DYNC1H1: variants seen among roughly 807,000 people sequenced by gnomAD.
The protein encoded by DYNC1H1 is dynein cytoplasmic 1 heavy chain 1, also known as cytoplasmic dynein 1 heavy chain 1.
Under a neutral mutation model 527.1 loss-of-function variants are expected in DYNC1H1, and 51 were observed. The ratio of observed to expected loss-of-function variants is 0.10; its 90% CI spans 0.08 to 0.12. DYNC1H1 has a LOEUF of 0.12. Among genes scored for constraint, DYNC1H1 ranks in the 10% least tolerant of loss-of-function variants. The pLI, the probability that DYNC1H1 is intolerant of heterozygous loss-of-function variation, is 1.00. For missense variants in DYNC1H1, 2,771 were observed against 5,971.8 expected (o/e 0.46, Z 17.66); for synonymous variants, 2,189 against 2,278.8 (o/e 0.96, Z 1.12).
rs1233493844 is a variant in DYNC1H1 at position 102,055,034 on chromosome 14, A to C, written c.*4471A>C. On this transcript the variant is annotated 3_prime_UTR_variant, in exon 78 of 78. Coordinates refer to ENST00000360184, the MANE Select transcript of DYNC1H1 (RefSeq NM_001376.5). ...TACTGAAGTCGCCTTGTTACACACA[A>C]ACATCTACAGTGCCTCCTGGCCACT... is the stretch of plus-strand genomic sequence containing the variant. 3 of 152,198 alleles carry C rather than the reference A, an allele frequency of 2.0e-5. No homozygotes were observed. Among genetic ancestry groups the C allele is most frequent in the Non-Finnish European group, 4.4e-5 (3 of 68,084 alleles). The allele number at this position is 152,198 out of a possible 1,614,324, so 9.4% of individuals were successfully genotyped here.
chr14:102,053,749 T>TG lies in DYNC1H1; in HGVS notation c.*3186_*3187insG, dbSNP rs1468806065. ...GAGCCACCACACTCGGCCTCTTTGT[T>TG]TGTTTTTTTTTTTTTTTGAGACAGT... On this transcript the variant is annotated 3_prime_UTR_variant, in exon 78 of 78. Coordinates refer to ENST00000360184, the MANE Select transcript of DYNC1H1 (RefSeq NM_001376.5). The TG allele has an allele frequency of 7.2e-6, 1 of 139,578 alleles. No individual in the cohort carries two copies. Among genetic ancestry groups the TG allele is most frequent in the African/African-American group, 3.0e-5 (1 of 33,728 alleles). The allele number at this position is 139,578 out of a possible 1,614,324, so 8.6% of individuals were successfully genotyped here.
At position 102,001,792 on chromosome 14, in the gene DYNC1H1, G is replaced by A; in HGVS notation, c.4542+111G>A. ...ACCTGTTTTTTATTGTATTTTTTGA[G>A]ACAGGGTCTCACTCTGTCTCCCACG... On this transcript the variant is annotated intron_variant, in intron 21 of 77. Transcript: ENST00000360184. The surrounding 1 kb of genome is among the most constrained non-coding windows in gnomAD (Gnocchi z 5.0). 2 of 1,477,518 alleles carry A rather than the reference G, an allele frequency of 1.4e-6. No individual in the cohort carries two copies. The highest frequency in any genetic ancestry group is 1.9e-6 in the Non-Finnish European group (2 of 1,075,700). The allele number at this position is 1,477,518 out of a possible 1,614,324, so 91.5% of individuals were successfully genotyped here.
At chr14:101,992,058 T>G (rs2048004806) in intron 11 of DYNC1H1, among the ~76,000 whole-genome samples, 3 of 152,014 alleles carry the variant, frequency 2.0e-5, no homozygotes, top group Non-Finnish European at 4.4e-5. Flanking sequence ...ATATTTTCTT[T>G]CCTACCTCTC....
In DYNC1H1 at chr14:102,012,240, C is replaced by T. The variant is rs1252686933; in HGVS notation, c.6858-74C>T. The T allele has an allele frequency of 4.0e-5, 64 of 1,612,878 alleles. No individual in the cohort carries two copies. The highest frequency in any genetic ancestry group is 4.9e-5 in the Non-Finnish European group (58 of 1,179,114). On this transcript the variant is annotated intron_variant, in intron 33 of 77. Transcript: ENST00000360184. The surrounding 1 kb of genome is among the most constrained non-coding windows in gnomAD (Gnocchi z 4.9). Reference sequence around the variant, plus strand: ...AGCAAATTAAAGGTCATTTCAGAAACCATCATCGGTAAACATGCCTAATGT... The same window carrying T: ...AGCAAATTAAAGGTCATTTCAGAAATCATCATCGGTAAACATGCCTAATGT...
chr14:102,001,765 G>A lies in DYNC1H1; in HGVS notation c.4542+84G>A, dbSNP rs2048133296. 4 of 1,582,696 alleles carry A rather than the reference G, an allele frequency of 2.5e-6. No individual in the cohort carries two copies. The highest frequency in any genetic ancestry group is 3.5e-6 in the Non-Finnish European group (4 of 1,156,328). ...ATGCCTTTTCACTGACAGTTACTAGGTACCTGTTTTTTATTGTATTTTTTG... is the reference window on the plus strand; with the variant it reads ...ATGCCTTTTCACTGACAGTTACTAGATACCTGTTTTTTATTGTATTTTTTG... On this transcript the variant is annotated intron_variant, in intron 21 of 77. Coordinates refer to ENST00000360184, the MANE Select transcript of DYNC1H1 (RefSeq NM_001376.5). This position sits in a 1 kb window ranked among gnomAD's most constrained non-coding sequence, Gnocchi z 5.0.
At chr14:102,047,694 TG>T in intron 72 of DYNC1H1, 122 bp from the exon 73 acceptor site, 2 of 937,828 alleles carry the variant, frequency 2.1e-6, no homozygotes. Flanking sequence ...TTCCAGATTT[TG>T]CTGCAGTTCC....
chr14:101,980,107 T>A lies in DYNC1H1; in HGVS notation c.774+133T>A, dbSNP rs992880870. The A allele has an allele frequency of 6.5e-6, 9 of 1,394,206 alleles. No homozygotes were observed. In the African/African-American group the frequency reaches 1.1e-4, roughly 18 times the overall value. The allele number at this position is 1,394,206 out of a possible 1,614,324, so 86.4% of individuals were successfully genotyped here. On this transcript the variant is annotated intron_variant, in intron 4 of 77. Transcript: ENST00000360184. Reference sequence around the variant, plus strand: ...TGGTGCCGCCTCTTGGTCCTGGGACTGTCCAGTGCAGGACTAGCCTTGGTC... The same window carrying A: ...TGGTGCCGCCTCTTGGTCCTGGGACAGTCCAGTGCAGGACTAGCCTTGGTC...
chr14:101,998,390 C>T (rs182097078), intron 16 of DYNC1H1, among the ~76,000 whole-genome samples: 421 of 152,290 alleles, frequency 2.8e-3, no homozygotes, highest in Non-Finnish European at 4.9e-3. Flanking sequence ...ATACAAACGC[C>T]TGGACCCCTC....
rs1421260475 is a variant in DYNC1H1, at chr14:102,007,183, C to G, written c.5817+75C>G. 2.0e-6 allele frequency: 3 copies of G among 1,492,940 alleles called. No homozygotes were observed. In the East Asian group the frequency reaches 6.8e-5, roughly 34 times the overall value. 92.5% of individuals were successfully genotyped at this position (1,492,940 alleles called of 1,614,324 possible). ...ATTTGGGGAATATCAAGCTCCGTAC[C>G]TCTCTCAAAGCCATTGGTCTTACAG... On this transcript the variant is annotated intron_variant, in intron 28 of 77. Coordinates refer to ENST00000360184, the MANE Select transcript of DYNC1H1 (RefSeq NM_001376.5).
intron 9 of DYNC1H1, among the ~76,000 whole-genome samples, chr14:101,988,288 A>G (rs895977328): frequency 1.1e-4 from 17 of 152,078 alleles, no homozygotes; most frequent in African/African-American, 3.9e-4. Flanking sequence ...ACTCCCCAAC[A>G]CCCAATTTAG....
In DYNC1H1 at chr14:102,029,662, C is replaced by G; in HGVS notation, c.9592C>G (p.Gln3198Glu). ...GAAGCGGAGCGAGCTGGAGGAGCAG[C>G]AGATGCACTTGAACGTGGGGCTCAG... ...HEKRSELEEQ[Q>E]MHLNVGLRKI... Residue 3198 changes from glutamine (Q) to glutamate (E), a missense_variant, in exon 49 of 78, where the codon CAG becomes GAG. Transcript: ENST00000360184. This position sits in a 1 kb window ranked among gnomAD's most constrained non-coding sequence, Gnocchi z 5.3. 1 of 1,614,242 alleles carries G rather than the reference C, an allele frequency of 6.2e-7. No homozygotes were observed. The highest frequency in any genetic ancestry group is 2.2e-5 in the East Asian group (1 of 44,892).
chr14:102,008,884 C>T (rs1019347833), intron 29 of DYNC1H1, among the ~76,000 whole-genome samples: 2 of 152,206 alleles, frequency 1.3e-5, no homozygotes, highest in Admixed American at 1.3e-4. Context: ...CAACCAAAAA[C>T]CTGAGCAGTC....
chr14:102,050,731 C>A lies in DYNC1H1; in HGVS notation c.*168C>A. 2 of 1,124,738 alleles carry A rather than the reference C, an allele frequency of 1.8e-6. No homozygotes were observed. Among genetic ancestry groups the A allele is most frequent in the Non-Finnish European group, 2.6e-6 (2 of 778,096 alleles). The allele number at this position is 1,124,738 out of a possible 1,614,324, so 69.7% of individuals were successfully genotyped here. On this transcript the variant is annotated 3_prime_UTR_variant, in exon 78 of 78. Coordinates refer to ENST00000360184, the MANE Select transcript of DYNC1H1 (RefSeq NM_001376.5). ...GGAGTGGTGGAAATTGGAAGGATAC[C>A]AGGAGGTATTTGGGAAGGCCAATGG...
In DYNC1H1 at chr14:102,017,837, T is replaced by C. The variant is rs938032128; in HGVS notation, c.8177+333T>C. 5.4e-6 allele frequency: 2 copies of C among 370,340 alleles called. No individual in the cohort carries two copies. The highest frequency in any genetic ancestry group is 4.3e-5 in the African/African-American group (2 of 47,034). The allele number at this position is 370,340 out of a possible 1,614,324, so 22.9% of individuals were successfully genotyped here. A position where few individuals can be genotyped will look rare whatever the true frequency, so the allele number is the denominator to read the frequency against. ...AAAACAAAATTAAGGCCGGGCGTGG[T>C]GGCTTACGCCTGTAATCCCAGCACT... On this transcript the variant is annotated intron_variant, in intron 40 of 77. Coordinates refer to ENST00000360184, the MANE Select transcript of DYNC1H1 (RefSeq NM_001376.5). The surrounding 1 kb of genome is among the most constrained non-coding windows in gnomAD (Gnocchi z 4.6).
intron 72 of DYNC1H1, chr14:102,045,250 C>T (rs1173032219): frequency 3.8e-5 from 7 of 185,906 alleles, no homozygotes; most frequent in Admixed American, 1.1e-4. Context: ...TTGCAGTGAG[C>T]CGAGATCACA....
In DYNC1H1 at chr14:102,005,958, C is replaced by A. The variant is rs2048192322; in HGVS notation, c.5504C>A (p.Ser1835Tyr). The A allele has an allele frequency of 1.9e-6, 3 of 1,614,138 alleles. No homozygotes were observed. The African/African-American group carries it at 4.0e-5, about 22-fold the overall frequency. The change falls in exon 27 of 78, where the codon TCT (serine) becomes TAT (tyrosine). Residue 1835 changes from serine to tyrosine, a missense_variant. Physicochemically the swap from Ser to Tyr is moderately radical, Grantham distance 144. This residue lies in a region of DYNC1H1 where 64 missense variants were observed against 143.4 expected (regional missense o/e 0.45). Transcript: ENST00000360184. The surrounding 1 kb of genome is among the most constrained non-coding windows in gnomAD (Gnocchi z 4.0). Reference sequence around the variant, plus strand: ...AAAAGCAAGATTGACAACGCCAAATCTTTTGAATGGCTCAGCCAGATGCGA... The same window carrying A: ...AAAAGCAAGATTGACAACGCCAAATATTTTGAATGGCTCAGCCAGATGCGA... ...LIKSKIDNAKSFEWLSQMRFY... is the reference protein window; with the variant it reads ...LIKSKIDNAKYFEWLSQMRFY...
chr14:101,973,746 G>T (rs181629171), intron 1 of DYNC1H1, among the ~76,000 whole-genome samples: 1 of 152,322 alleles, frequency 6.6e-6, no homozygotes, highest in African/African-American at 2.4e-5. Flanking sequence ...CAAGACTACA[G>T]TGAGGTGTGA....
intron 57 of DYNC1H1, chr14:102,037,910 G>C (rs2048596804): frequency 5.7e-6 from 1 of 175,208 alleles, no homozygotes; most frequent in African/African-American, 2.4e-5. Context: ...CTTTCTGCAG[G>C]GGCAGGAATG....
rs1186835017 is a variant in DYNC1H1 at position 101,964,964 on chromosome 14, G to C, written c.256+17G>C. On this transcript the variant is annotated intron_variant, in intron 1 of 77. Coordinates refer to ENST00000360184, the MANE Select transcript of DYNC1H1 (RefSeq NM_001376.5). The surrounding 1 kb of genome is among the most constrained non-coding windows in gnomAD (Gnocchi z 5.5). ...CGCTCAAAGGTGCGGGGCCGCGGAG[G>C]GCAGGGTCGCCAGAGCCAGGCCTCG... 6.3e-7 allele frequency: 1 copy of C among 1,583,994 alleles called. No individual in the cohort carries two copies. Among genetic ancestry groups the C allele is most frequent in the Non-Finnish European group, 8.6e-7 (1 of 1,166,548 alleles).
Sources: allele counts gnomAD v4.1 joint callset (sites outside exome capture counted in the v4.1 genomes callset), GRCh38; gene constraint gnomAD v4.1.1; regional missense constraint gnomAD v4.1.1; non-coding constraint Gnocchi (gnomAD v3.1); transcripts MANE v1.5; gene names NCBI Gene and HGNC (gene_info 2026-07-23, HGNC 2026-07-21).